SLC35F6: variants seen among roughly 807,000 people sequenced by gnomAD.
SLC35F6 encodes the protein solute carrier family 35 member F6, also known as ANT2-binding protein.
A neutral mutation model predicts 29.4 loss-of-function variants in SLC35F6; 26 were observed. The ratio of observed to expected loss-of-function variants is 0.89; its 90% CI spans 0.65 to 1.23. The LOEUF is 1.23. Among genes scored for constraint, SLC35F6 ranks in the 50% most tolerant of loss-of-function variants. The pLI is 0.00. For synonymous variants in SLC35F6, 174 were observed against 206.6 expected (o/e 0.84, Z 1.35); for missense variants, 428 against 487.8 (o/e 0.88, Z 1.15).
intron 4 of SLC35F6, among the ~76,000 whole-genome samples, chr2:26,776,099 C>G (rs1024940185): frequency 2.0e-5 from 3 of 152,224 alleles, no homozygotes; most frequent in African/African-American, 7.2e-5. Context: ...CAAGAAATGT[C>G]TATCTCAAAG....
At chr2:26,772,954 G>A (rs528558089) in intron 1 of SLC35F6, among the ~76,000 whole-genome samples, 11 of 152,214 alleles carry the variant, frequency 7.2e-5, no homozygotes, top group Admixed American at 3.9e-4. Context: ...ACCATCTGCC[G>A]GGTGCTGACT....
In SLC35F6 at chr2:26,775,396, A is replaced by G; in HGVS notation, c.323-68A>G. 1 of 1,569,580 alleles carries G rather than the reference A, an allele frequency of 6.4e-7. No individual in the cohort carries two copies. The highest frequency in any genetic ancestry group is 8.6e-7 in the Non-Finnish European group (1 of 1,156,116). On this transcript the variant is annotated intron_variant, in intron 3 of 5. Transcript: ENST00000344420. The surrounding 1 kb of genome is among the most constrained non-coding windows in gnomAD (Gnocchi z 4.6). The stretch of plus-strand genomic sequence containing the variant: ...CTATGAGCTTGGCATGTCTATCACC[A>G]AAGACCCCTTAGTGACAGATGGCCT...
chr2:26,772,276 C>T (rs1664211556), intron 1 of SLC35F6, among the ~76,000 whole-genome samples: 1 of 152,060 alleles, frequency 6.6e-6, no homozygotes, highest in Non-Finnish European at 1.5e-5. Context: ...ACTCCCCCGC[C>T]CTTTGGGAGC....
intron 5 of SLC35F6, among the ~76,000 whole-genome samples, chr2:26,777,421 TGCCTGTTGGGGAGCA>T (rs1190962247): frequency 6.6e-6 from 1 of 152,208 alleles, no homozygotes; most frequent in Admixed American, 6.5e-5. Context: ...TGGGGGCTAG[TGCCTGTTGGGGAGCA>T]GCTCTTGTCT....
Position 26,778,461 on chromosome 2 carries a change from C to T in SLC35F6, c.1066C>T (p.Gln356Ter). The change falls in exon 6 of 6, where the codon CAG (glutamine) becomes TAG (stop). Residue 356 changes from glutamine to a stop codon, truncating the protein, a stop_gained. Coordinates refer to ENST00000344420, the MANE Select transcript of SLC35F6 (RefSeq NM_017877.4). LOFTEE classifies it high-confidence loss of function. ...RGRPLAEESEQERLLGGTRTP... is the reference protein window; with the variant it reads ...RGRPLAEESE Reference sequence around the variant, plus strand: ...CCGGCCCCTGGCAGAGGAGAGCGAGCAGGAGAGACTGCTGGGTGGCACCCG... The same window carrying T: ...CCGGCCCCTGGCAGAGGAGAGCGAGTAGGAGAGACTGCTGGGTGGCACCCG... 6.2e-7 allele frequency: 1 copy of T among 1,613,550 alleles called. No individual in the cohort carries two copies. The highest frequency in any genetic ancestry group is 1.3e-5 in the African/African-American group (1 of 75,028).
At position 26,780,780 on chromosome 2, in the gene SLC35F6, G is replaced by A. The variant is rs1664395791; in HGVS notation, c.*2269G>A. On this transcript the variant is annotated 3_prime_UTR_variant, in exon 6 of 6. Coordinates refer to ENST00000344420, the MANE Select transcript of SLC35F6 (RefSeq NM_017877.4). ...ACCGCAGGGAACCAAGCAGCCTTTG[G>A]TCCAGTGCTGCTCCTTGGAACAGTT... 6.6e-6 allele frequency: 1 copy of A among 152,286 alleles called. No homozygotes were observed. The highest frequency in any genetic ancestry group is 6.6e-5 in the Admixed American group (1 of 15,266). 9.4% of individuals were successfully genotyped at this position (152,286 alleles called of 1,614,324 possible).
Position 26,778,547 on chromosome 2 carries a change from C to T in SLC35F6, c.*36C>T, listed in dbSNP as rs756918399. On this transcript the variant is annotated 3_prime_UTR_variant, in exon 6 of 6. Coordinates refer to ENST00000344420, the MANE Select transcript of SLC35F6 (RefSeq NM_017877.4). The stretch of plus-strand genomic sequence containing the variant: ...AGGCTTCTACTGCCACCCGGGTGCT[C>T]CTTCTCCCTGAGACTGAGGCCACAC... 1.0e-5 allele frequency: 16 copies of T among 1,529,764 alleles called. No individual in the cohort carries two copies. The highest frequency in any genetic ancestry group is 1.4e-5 in the African/African-American group (1 of 72,828). 94.8% of individuals were successfully genotyped at this position (1,529,764 alleles called of 1,614,324 possible). A position where few individuals can be genotyped will look rare whatever the true frequency, so the allele number is the denominator to read the frequency against.
In SLC35F6 at chr2:26,775,305, C is replaced by T; in HGVS notation, c.322+90C>T. On this transcript the variant is annotated intron_variant, in intron 3 of 5. Coordinates refer to ENST00000344420, the MANE Select transcript of SLC35F6 (RefSeq NM_017877.4). The surrounding 1 kb of genome is among the most constrained non-coding windows in gnomAD (Gnocchi z 4.6). ...AACAGCCCTATCCCACCCACCTCCA[C>T]TTCATCCCACCATTCCCCCAGACTT... is the stretch of plus-strand genomic sequence containing the variant. 12 of 1,539,080 alleles carry T rather than the reference C, an allele frequency of 7.8e-6. 1 individual carries two copies. The South Asian group carries it at 1.5e-4, about 19-fold the overall frequency.
In SLC35F6 at chr2:26,775,365, C is replaced by A. The variant is rs538488758; in HGVS notation, c.323-99C>A. On this transcript the variant is annotated intron_variant, in intron 3 of 5. Transcript: ENST00000344420. This position sits in a 1 kb window ranked among gnomAD's most constrained non-coding sequence, Gnocchi z 4.6. The stretch of plus-strand genomic sequence containing the variant: ...AGGCACACAGGCAGGACTGATCGAG[C>A]GCTTACTATGAGCTTGGCATGTCTA... 1 of 1,522,780 alleles carries A rather than the reference C, an allele frequency of 6.6e-7. No homozygotes were observed. Among genetic ancestry groups the A allele is most frequent in the Non-Finnish European group, 8.9e-7 (1 of 1,127,754 alleles). 94.3% of individuals were successfully genotyped at this position (1,522,780 alleles called of 1,614,324 possible).
chr2:26,777,950 G>T, intron 5 of SLC35F6, 92 bp from the exon 6 acceptor site: 1 of 1,228,874 alleles, frequency 8.1e-7, no homozygotes. Flanking sequence ...CACTGGGAGG[G>T]AATGACCCGA....
chr2:26,777,760 G>GTGTCCA (rs1558294556), intron 5 of SLC35F6, among the ~76,000 whole-genome samples: 1 of 151,906 alleles, frequency 6.6e-6, no homozygotes, highest in African/African-American at 2.4e-5. Context: ...GTGTGTGTGT[G>GTGTCCA]TGTCCATGAA....
At chr2:26,774,196 A>G (rs2148057981) in intron 1 of SLC35F6, 55 bp from the exon 2 acceptor site, 1 of 1,604,818 alleles carries the variant, frequency 6.2e-7, no homozygotes, top group East Asian at 2.2e-5. Flanking sequence ...GAGCCTCTTC[A>G]CTAGCACCAG....
At chr2:26,765,947 A>G (rs1417132890) in intron 1 of SLC35F6, among the ~76,000 whole-genome samples, 1 of 152,222 alleles carries the variant, frequency 6.6e-6, no homozygotes, top group Non-Finnish European at 1.5e-5. Flanking sequence ...TGCTGCCCAC[A>G]AGGAGAATCC....
chr2:26,767,112 GT>G (rs1302537148), intron 1 of SLC35F6, among the ~76,000 whole-genome samples: 1 of 152,212 alleles, frequency 6.6e-6, no homozygotes, highest in African/African-American at 2.4e-5. Flanking sequence ...TTTAAGTCCT[GT>G]TCTTTTATGA....
At chr2:26,773,798 A>C (rs1558293151) in intron 1 of SLC35F6, among the ~76,000 whole-genome samples, 1 of 151,770 alleles carries the variant, frequency 6.6e-6, no homozygotes. Flanking sequence ...TTTTTAGTAG[A>C]GACGGGGTTT....
At chr2:26,774,198 T>C (rs1403254238) in intron 1 of SLC35F6, 53 bp from the exon 2 acceptor site, 4 of 1,605,316 alleles carry the variant, frequency 2.5e-6, no homozygotes, top group Non-Finnish European at 3.4e-6. Context: ...GCCTCTTCAC[T>C]AGCACCAGGG....
rs201317348 is a variant in SLC35F6, at chr2:26,778,525, C to T, written c.*14C>T. ...GATGCCAGCTGAGGTTCCCTGGAGG[C>T]TTCTACTGCCACCCGGGTGCTCCTT... On this transcript the variant is annotated 3_prime_UTR_variant, in exon 6 of 6. Coordinates refer to ENST00000344420, the MANE Select transcript of SLC35F6 (RefSeq NM_017877.4). The T allele has an allele frequency of 1.9e-5, 30 of 1,569,126 alleles. No individual in the cohort carries two copies. In the African/African-American group the frequency reaches 3.9e-4, roughly 21 times the overall value.
intron 1 of SLC35F6, chr2:26,764,993 G>A (rs1664071618): frequency 1.0e-6 from 1 of 985,330 alleles, no homozygotes; most frequent in East Asian, 1.1e-4. Context: ...AGCATCAAAT[G>A]CCCAGGTTAG....
chr2:26,768,913 G>C (rs778986471), intron 1 of SLC35F6, among the ~76,000 whole-genome samples: 1 of 152,154 alleles, frequency 6.6e-6, no homozygotes, highest in Non-Finnish European at 1.5e-5. Flanking sequence ...AAAGTGTTGG[G>C]ATTACAGGCA....
Sources: allele counts gnomAD v4.1 joint callset (sites outside exome capture counted in the v4.1 genomes callset), GRCh38; gene constraint gnomAD v4.1.1; non-coding constraint Gnocchi (gnomAD v3.1); transcripts MANE v1.5; gene names NCBI Gene and HGNC (gene_info 2026-07-23, HGNC 2026-07-21).